The following NHS variants were observed in gnomAD, a reference collection of about 807,000 sequenced individuals.
The protein encoded by NHS is actin remodeling regulator NHS.
A neutral mutation model predicts 72.5 loss-of-function variants in NHS; 5 were observed. The observed-to-expected ratio is 0.07, with a 90% confidence interval of 0.04 to 0.14. The LOEUF is 0.14. Ranked by LOEUF, NHS falls within the 10% of genes least tolerant of loss-of-function variation. The pLI is 1.00. For synonymous variants in NHS, 464 were observed against 547.7 expected (o/e 0.85, Z 2.13); for missense variants, 1,072 against 1,355.7 (o/e 0.79, Z 3.29).
intron 1 of NHS, among the ~76,000 whole-genome samples, chrX:17,522,494 C>CA (rs1491260874): frequency 2.5e-4 from 1 of 4,002 alleles, no homozygotes; most frequent in East Asian, 9.4e-3. Flanking sequence ...CCAGAAGCCG[C>CA]CCCCCCCCCC....
intron 1 of NHS, among the ~76,000 whole-genome samples, chrX:17,608,888 C>G (rs1412066060): frequency 1.8e-5 from 2 of 111,985 alleles, no homozygotes; most frequent in Non-Finnish European, 3.8e-5. Context: ...CAGGCCCTAG[C>G]TGACCTAATC....
chrX:17,462,577 A>ATG (rs2064852165), intron 1 of NHS, among the ~76,000 whole-genome samples: 1 of 112,175 alleles, frequency 8.9e-6, no homozygotes, highest in African/African-American at 3.2e-5. Flanking sequence ...GTATTTAAAT[A>ATG]TATGTAAAGT....
intron 1 of NHS, among the ~76,000 whole-genome samples, chrX:17,545,377 C>T (rs1032865160): frequency 2.7e-5 from 3 of 112,173 alleles, no homozygotes; most frequent in African/African-American, 6.5e-5. Flanking sequence ...CCTGGTCGTT[C>T]GGAAACCAGG....
intron 1 of NHS, among the ~76,000 whole-genome samples, chrX:17,574,205 C>T (rs1391915018): frequency 3.6e-5 from 4 of 112,293 alleles, no homozygotes; most frequent in African/African-American, 9.7e-5. Flanking sequence ...AACCACTGCT[C>T]TCTTCAGAGC....
intron 1 of NHS, among the ~76,000 whole-genome samples, chrX:17,471,078 G>C (rs73189137): frequency 0.056 from 6,282 of 111,583 alleles, 190 homozygotes; most frequent in Non-Finnish European, 0.086. Flanking sequence ...TAAGCTTGTA[G>C]GTGCTGTATC....
At chrX:17,667,089 A>G (rs939096889) in intron 1 of NHS, among the ~76,000 whole-genome samples, 1 of 112,762 alleles carries the variant, frequency 8.9e-6, no homozygotes, top group East Asian at 2.8e-4. Context: ...TAGAGATGTT[A>G]AGGGACTTAT....
At chrX:17,663,850 G>A (rs2065994728) in intron 1 of NHS, among the ~76,000 whole-genome samples, 1 of 111,676 alleles carries the variant, frequency 9.0e-6, no homozygotes, top group African/African-American at 3.3e-5. Flanking sequence ...GGTTCTAGTT[G>A]TTCTGCATCC....
intron 5 of NHS, among the ~76,000 whole-genome samples, chrX:17,723,770 T>TGTGTGTGTGTGTGTGTGC (rs541219770): frequency 5.0e-4 from 46 of 91,309 alleles, no homozygotes; most frequent in African/African-American, 1.5e-3. Context: ...TGTGTGTGTG[T>TGTGTGTGTGTGTGTGTGC]GCGCGCGCGT....
chrX:17,551,242 TAAC>T (rs1474258686), intron 1 of NHS, among the ~76,000 whole-genome samples: 3 of 111,799 alleles, frequency 2.7e-5, no homozygotes, highest in Non-Finnish European at 5.6e-5. Context: ...TTGCCTTATT[TAAC>T]ACTGTACCTG....
At chrX:17,538,069 G>T (rs1167728571) in intron 1 of NHS, among the ~76,000 whole-genome samples, 1 of 112,004 alleles carries the variant, frequency 8.9e-6, no homozygotes, top group Non-Finnish European at 1.9e-5. Flanking sequence ...AGGGCTAGTG[G>T]GACTTTGGCT....
Position 17,508,270 on chromosome X carries a change from C to T in NHS, c.565+131948C>T, listed in dbSNP as rs369282649. On this transcript the variant is annotated intron_variant, in intron 1 of 8. Transcript: ENST00000676302. ...CTCCCACCACCAATCTACTTTCTGTCTCTATGGATTTGCCTATTCTGGACA... is the reference window on the plus strand; with the variant it reads ...CTCCCACCACCAATCTACTTTCTGTTTCTATGGATTTGCCTATTCTGGACA... 1.5e-4 allele frequency among the ~76,000 whole-genome samples: 16 copies of T among 109,699 alleles called. No individual in the cohort carries two copies. The East Asian group carries it at 3.7e-3, about 26-fold the overall frequency.
At chrX:17,558,308 T>G (rs1015112760) in intron 1 of NHS, among the ~76,000 whole-genome samples, 3 of 112,371 alleles carry the variant, frequency 2.7e-5, no homozygotes, top group African/African-American at 9.7e-5. Flanking sequence ...TTCTCCACAA[T>G]GTACATCATA....
At chrX:17,607,268 C>T (rs2065685188) in intron 1 of NHS, among the ~76,000 whole-genome samples, 1 of 111,740 alleles carries the variant, frequency 8.9e-6, no homozygotes. Flanking sequence ...TAGAAGAAAG[C>T]AGAGATAACC....
chrX:17,626,456 G>A, intron 1 of NHS, among the ~76,000 whole-genome samples: 1 of 112,162 alleles, frequency 8.9e-6, no homozygotes, highest in South Asian at 3.7e-4. Flanking sequence ...TTCTGAAACA[G>A]CTGTGAAATA....
intron 1 of NHS, among the ~76,000 whole-genome samples, chrX:17,570,286 T>C (rs1473171554): frequency 8.9e-6 from 1 of 112,562 alleles, no homozygotes; most frequent in African/African-American, 3.2e-5. Context: ...ACAATATTGA[T>C]TCTTCCTATC....
chrX:17,612,341 G>A (rs191716727), intron 1 of NHS, among the ~76,000 whole-genome samples: 22 of 110,003 alleles, frequency 2.0e-4, no homozygotes, highest in African/African-American at 6.3e-4. Context: ...TCTTTCCCCC[G>A]GTTCTGTCAA....
intron 1 of NHS, among the ~76,000 whole-genome samples, chrX:17,399,011 A>G (rs1338490088): frequency 8.9e-6 from 1 of 112,069 alleles, no homozygotes; most frequent in Non-Finnish European, 1.9e-5. Context: ...TTGAAACGCT[A>G]TCTAATTCCA....
chrX:17,659,202 G>A (rs1343712095), intron 1 of NHS, among the ~76,000 whole-genome samples: 2 of 111,880 alleles, frequency 1.8e-5, no homozygotes, highest in African/African-American at 6.5e-5. Flanking sequence ...TAACTGCAAG[G>A]GGACTGGGAA....
At chrX:17,656,815 C>T (rs1227591940) in intron 1 of NHS, among the ~76,000 whole-genome samples, 1 of 111,477 alleles carries the variant, frequency 9.0e-6, no homozygotes, top group Non-Finnish European at 1.9e-5. Context: ...GAGGATTCGA[C>T]GGCTCTGTGA....
Sources: allele counts gnomAD v4.1 joint callset (sites outside exome capture counted in the v4.1 genomes callset), GRCh38; gene constraint gnomAD v4.1.1; transcripts MANE v1.5; gene names NCBI Gene and HGNC (gene_info 2026-07-23, HGNC 2026-07-21).